Variants in FBXO28 observed in about 807,000 individuals in gnomAD.
FBXO28 encodes F-box protein 28, also known as F-box only protein 28.
A neutral mutation model predicts 38.1 loss-of-function variants in FBXO28; 8 were observed. The ratio of observed to expected loss-of-function variants is 0.21; its 90% CI spans 0.12 to 0.38. The LOEUF (loss-of-function observed/expected upper bound fraction) is 0.38. FBXO28 is among the 10% of genes least tolerant of loss of function. The probability of loss-of-function intolerance (pLI) is 1.00; values close to 1 mark genes in which losing one functional copy is unlikely to be tolerated. For synonymous variants in FBXO28, 168 were observed against 173.8 expected, an observed-to-expected ratio of 0.97 and a Z score of 0.26; for missense variants, 345 against 460.6, an observed-to-expected ratio of 0.75 and a Z score of 2.30.
intron 3 of FBXO28, among the ~76,000 whole-genome samples, chr1:224,150,460 A>G (rs10916371): frequency 0.51 from 77,951 of 151,726 alleles, 21,081 homozygotes; most frequent in South Asian, 0.6. Flanking sequence ...CCCTTTAAAT[A>G]CTGATTTTCT....
chr1:224,123,709 C>T (rs922030010), intron 1 of FBXO28, among the ~76,000 whole-genome samples: 1 of 152,036 alleles, frequency 6.6e-6, no homozygotes, highest in Non-Finnish European at 1.5e-5. Flanking sequence ...AATTATAATG[C>T]TAAGACATTA....
At chr1:224,151,834 G>A (rs1402641908) in intron 3 of FBXO28, among the ~76,000 whole-genome samples, 2 of 152,112 alleles carry the variant, frequency 1.3e-5, no homozygotes, top group African/African-American at 4.8e-5. Flanking sequence ...CCTAAAGTTA[G>A]GAGTTCAAGA....
chr1:224,137,093 G>A (rs1657208901), intron 3 of FBXO28, among the ~76,000 whole-genome samples: 1 of 151,688 alleles, frequency 6.6e-6, no homozygotes, highest in Non-Finnish European at 1.5e-5. Context: ...AACTTTTGTG[G>A]TTTTATATAG....
intron 1 of FBXO28, among the ~76,000 whole-genome samples, chr1:224,120,185 A>G (rs570920193): frequency 6.6e-6 from 1 of 152,334 alleles, no homozygotes; most frequent in South Asian, 2.1e-4. Flanking sequence ...GGAGCAAAAG[A>G]TAACCTTTAA....
In FBXO28 at chr1:224,153,360, C is replaced by G. The variant is rs184723485; in HGVS notation, c.712+23C>G. On this transcript the variant is annotated intron_variant, in intron 4 of 4. Coordinates refer to ENST00000366862, the MANE Select transcript of FBXO28 (RefSeq NM_015176.4). The stretch of plus-strand genomic sequence containing the variant: ...CAGGTATCTCTACTTTATAATCATG[C>G]TTGTACATAATTTTGTAACTTGCTT... 148 of 1,515,354 alleles carry G rather than the reference C, an allele frequency of 9.8e-5. No homozygotes were observed. In the African/African-American group the frequency reaches 1.9e-3, roughly 19 times the overall value. The allele number at this position is 1,515,354 out of a possible 1,614,324, so 93.9% of individuals were successfully genotyped here.
At chr1:224,118,017 A>T (rs1387058288) in intron 1 of FBXO28, among the ~76,000 whole-genome samples, 2 of 138,666 alleles carry the variant, frequency 1.4e-5, no homozygotes, top group African/African-American at 5.1e-5. Flanking sequence ...TTATTTATTT[A>T]TTTATTTATT....
At chr1:224,156,727 C>T (rs1657782395) in intron 4 of FBXO28, among the ~76,000 whole-genome samples, 1 of 152,180 alleles carries the variant, frequency 6.6e-6, no homozygotes, top group Admixed American at 6.5e-5. Flanking sequence ...TGACCGGGCG[C>T]AGTGGCTCAC....
At chr1:224,127,670 G>A (rs1394289957) in intron 1 of FBXO28, among the ~76,000 whole-genome samples, 1 of 152,142 alleles carries the variant, frequency 6.6e-6, no homozygotes, top group Non-Finnish European at 1.5e-5. Context: ...ACTTTGGGGG[G>A]CCAAGACAGG....
At chr1:224,128,546 A>C (rs1656958749) in intron 1 of FBXO28, among the ~76,000 whole-genome samples, 1 of 152,192 alleles carries the variant, frequency 6.6e-6, no homozygotes, top group South Asian at 2.1e-4. Flanking sequence ...TTTAATCCTA[A>C]TGATATCCTA....
chr1:224,119,558 C>T (rs1291333961), intron 1 of FBXO28, among the ~76,000 whole-genome samples: 5 of 152,096 alleles, frequency 3.3e-5, no homozygotes, highest in Non-Finnish European at 5.9e-5. Context: ...TTCCAGTTCT[C>T]ACAAAGTAAA....
chr1:224,135,908 G>A (rs1657171522), intron 3 of FBXO28, among the ~76,000 whole-genome samples: 1 of 151,812 alleles, frequency 6.6e-6, no homozygotes, highest in South Asian at 2.1e-4. Context: ...GGTGGCATGT[G>A]CCTGTAATCC....
intron 3 of FBXO28, among the ~76,000 whole-genome samples, chr1:224,152,925 CAAAAAAAAAAAAA>C (rs57616453): frequency 1.5e-4 from 10 of 64,908 alleles, no homozygotes; most frequent in East Asian, 4.8e-4. Flanking sequence ...AACTCTGTCT[CAAAAAAAAAAAAA>C]AAAAAAAAAA....
intron 3 of FBXO28, among the ~76,000 whole-genome samples, chr1:224,140,066 G>C (rs1046069138): frequency 6.6e-6 from 1 of 152,070 alleles, no homozygotes; most frequent in African/African-American, 2.4e-5. Context: ...ACTCCAGCCT[G>C]GGTGACAGAG....
chr1:224,119,792 A>G (rs1374733597), intron 1 of FBXO28, among the ~76,000 whole-genome samples: 1 of 152,200 alleles, frequency 6.6e-6, no homozygotes, highest in Admixed American at 6.5e-5. Flanking sequence ...AACGATGTGT[A>G]AATTATTGAA....
At chr1:224,152,581 C>T (rs1558197262) in intron 3 of FBXO28, among the ~76,000 whole-genome samples, 1 of 152,128 alleles carries the variant, frequency 6.6e-6, no homozygotes, top group Admixed American at 6.6e-5. Flanking sequence ...CATCCTGATT[C>T]CTCAGTCCCA....
At chr1:224,130,241 C>G (rs555657358) in intron 1 of FBXO28, among the ~76,000 whole-genome samples, 1 of 152,116 alleles carries the variant, frequency 6.6e-6, no homozygotes, top group East Asian at 1.9e-4. Flanking sequence ...ACTGGGGAGG[C>G]TGAGGCAGGA....
At chr1:224,147,064 T>G (rs61826374) in intron 3 of FBXO28, among the ~76,000 whole-genome samples, 24,160 of 151,976 alleles carry the variant, frequency 0.16, 2,081 homozygotes, top group Middle Eastern at 0.24. Flanking sequence ...CATTCATGGA[T>G]TCAACCAACC....
intron 3 of FBXO28, among the ~76,000 whole-genome samples, chr1:224,145,293 C>CAAAAAAAAAAAAAAAA (rs3035404): frequency 1.4e-5 from 1 of 73,570 alleles, no homozygotes; most frequent in Non-Finnish European, 2.4e-5. Flanking sequence ...GACTACATCT[C>CAAAAAAAAAAAAAAAA]AAAAAAAAAA....
intron 1 of FBXO28, among the ~76,000 whole-genome samples, chr1:224,123,035 C>A (rs1656813319): frequency 6.6e-6 from 1 of 151,812 alleles, no homozygotes; most frequent in African/African-American, 2.4e-5. Flanking sequence ...GCTGGATGAC[C>A]TTGGACAAAT....
Sources: allele counts gnomAD v4.1 joint callset (sites outside exome capture counted in the v4.1 genomes callset), GRCh38; gene constraint gnomAD v4.1.1; transcripts MANE v1.5; gene names NCBI Gene and HGNC (gene_info 2026-07-23, HGNC 2026-07-21).